The following TTLL11 variants were observed in gnomAD, a reference collection of about 807,000 sequenced individuals.
The protein encoded by TTLL11 is tubulin polyglutamylase TTLL11.
TTLL11 carries 42 observed loss-of-function variants against 51.7 expected under a neutral mutation model. The ratio of observed to expected loss-of-function variants is 0.81; its 90% CI spans 0.64 to 1.05. The LOEUF (loss-of-function observed/expected upper bound fraction) is 1.05, where lower values mean the gene tolerates loss of function less well. Ranked by LOEUF, TTLL11 falls within the 50% of genes least tolerant of loss-of-function variation. TTLL11 has a pLI of 0.00. For synonymous variants in TTLL11, 381 were observed against 383.5 expected, an observed-to-expected ratio of 0.99 and a Z score of 0.08; for missense variants, 799 against 940.4, an observed-to-expected ratio of 0.85 and a Z score of 1.97.
chr9:122,092,656 G>T, intron 1 of TTLL11, 31 bp downstream of exon 1: 1 of 1,535,792 alleles, frequency 6.5e-7, no homozygotes, highest in Non-Finnish European at 8.7e-7. Context: ...ACCCCACTGT[G>T]CCCACGCGGC....
chr9:122,072,917 CTTTG>C (rs1845765046), intron 1 of TTLL11, among the ~76,000 whole-genome samples: 1 of 152,176 alleles, frequency 6.6e-6, no homozygotes, highest in South Asian at 2.1e-4. Flanking sequence ...GGTGTCATTT[CTTTG>C]TTTGCCCGTG....
chr9:122,085,031 G>C (rs1806694), intron 1 of TTLL11, among the ~76,000 whole-genome samples: 7,813 of 152,194 alleles, frequency 0.051, 414 homozygotes, highest in Admixed American at 0.12. Context: ...AGGCTGAGGC[G>C]GGCAGATCAT....
In TTLL11 at chr9:121,822,399, G is replaced by A; in HGVS notation, c.*188C>T. The A allele has an allele frequency of 2.1e-6, 1 of 479,438 alleles. No homozygotes were observed. The highest frequency in any genetic ancestry group is 3.6e-6 in the Non-Finnish European group (1 of 274,746). 29.7% of individuals were successfully genotyped at this position (479,438 alleles called of 1,614,324 possible). On this transcript the variant is annotated 3_prime_UTR_variant, in exon 9 of 9. Transcript: ENST00000321582. This position sits in a 1 kb window ranked among gnomAD's most constrained non-coding sequence, Gnocchi z 5.8. ...AGGGTGTATCACCAGGAGGTGTGAG[G>A]AGGAAGGCAGGTGAGAACCAGCCAG...
chr9:122,041,952 C>T (rs967855120), intron 1 of TTLL11, among the ~76,000 whole-genome samples: 1 of 150,244 alleles, frequency 6.7e-6, no homozygotes, highest in African/African-American at 2.4e-5. Context: ...ACAAGGGACC[C>T]CAAATAGCAA....
chr9:121,998,737 T>C (rs1269931506), intron 3 of TTLL11, among the ~76,000 whole-genome samples: 1 of 152,232 alleles, frequency 6.6e-6, no homozygotes, highest in Admixed American at 6.5e-5. Flanking sequence ...TGCCAGGCAG[T>C]GCACTAGGCA....
At chr9:122,046,759 T>C (rs2131839564) in intron 1 of TTLL11, among the ~76,000 whole-genome samples, 1 of 152,242 alleles carries the variant, frequency 6.6e-6, no homozygotes. Context: ...TGTGAGATTG[T>C]AATTAAGCCT....
chr9:122,082,501 CAAAA>C (rs35349693), intron 1 of TTLL11, among the ~76,000 whole-genome samples: 11 of 84,644 alleles, frequency 1.3e-4, no homozygotes, highest in African/African-American at 3.4e-4. Flanking sequence ...GACTCTGTCT[CAAAA>C]AAAAAAAAAA....
chr9:121,966,283 T>C (rs1334158736), intron 6 of TTLL11, among the ~76,000 whole-genome samples: 1 of 152,100 alleles, frequency 6.6e-6, no homozygotes, highest in Non-Finnish European at 1.5e-5. Flanking sequence ...AGGAAAGCAG[T>C]CCATAACCCA....
chr9:121,906,344 TAAAAA>T (rs10573918), intron 6 of TTLL11, among the ~76,000 whole-genome samples: 76 of 151,652 alleles, frequency 5.0e-4, no homozygotes, highest in South Asian at 3.5e-3. Context: ...TAATAATTTT[TAAAAA>T]AAAAAAAATC....
At chr9:121,832,738 G>T (rs983376566) in intron 8 of TTLL11, among the ~76,000 whole-genome samples, 1 of 152,110 alleles carries the variant, frequency 6.6e-6, no homozygotes, top group Non-Finnish European at 1.5e-5. Flanking sequence ...TCAGGAGTTC[G>T]AGACCAGCCT....
intron 7 of TTLL11, among the ~76,000 whole-genome samples, chr9:121,864,750 G>T (rs1334238258): frequency 6.6e-6 from 1 of 152,072 alleles, no homozygotes; most frequent in Non-Finnish European, 1.5e-5. Flanking sequence ...AAGGAATTTG[G>T]GCACATAGGA....
intron 8 of TTLL11, among the ~76,000 whole-genome samples, chr9:121,827,701 T>G (rs1368813207): frequency 6.6e-6 from 1 of 151,928 alleles, no homozygotes; most frequent in Non-Finnish European, 1.5e-5. Flanking sequence ...GACTAGATAT[T>G]GGCTTTAATC....
chr9:122,036,639 T>C (rs1293477449), intron 2 of TTLL11, among the ~76,000 whole-genome samples: 2 of 152,162 alleles, frequency 1.3e-5, no homozygotes, highest in African/African-American at 4.8e-5. Context: ...TCCATCTGTA[T>C]ATATCCGTTC....
intron 2 of TTLL11, among the ~76,000 whole-genome samples, chr9:122,034,522 C>T (rs1222599609): frequency 6.6e-6 from 1 of 152,200 alleles, no homozygotes; most frequent in East Asian, 1.9e-4. Flanking sequence ...CCAGGAGGGA[C>T]GGGTGTAGAC....
At chr9:121,846,576 AC>A (rs1236683615) in intron 8 of TTLL11, among the ~76,000 whole-genome samples, 1 of 152,204 alleles carries the variant, frequency 6.6e-6, no homozygotes, top group African/African-American at 2.4e-5. Context: ...TAGAGATCAT[AC>A]AAAAAATTCT....
chr9:121,816,651 TGTGTGTGCATGTGTGCGTGTGTGCATGC>T lies in TTLL11; in HGVS notation c.*5908_*5935del, dbSNP rs1349573752. ...TGTGTGGTGTGTGCGCGCACATGCG[TGTGTGTGCATGTGTGCGTGTGTGCATGC>T]GTGTGCATCGTGTGTGCGTGCGTGT... On this transcript the variant is annotated 3_prime_UTR_variant, in exon 9 of 9. Transcript: ENST00000321582. 1 of 133,140 alleles carries T rather than the reference TGTGTGTGCATGTGTGCGTGTGTGCATGC, an allele frequency of 7.5e-6. No homozygotes were observed. The highest frequency in any genetic ancestry group is 1.5e-5 in the Non-Finnish European group (1 of 65,188). 8.2% of individuals were successfully genotyped at this position (133,140 alleles called of 1,614,324 possible). A position where few individuals can be genotyped will look rare whatever the true frequency, so the allele number is the denominator to read the frequency against.
At chr9:121,887,551 C>T (rs1222570829) in intron 6 of TTLL11, among the ~76,000 whole-genome samples, 1 of 152,214 alleles carries the variant, frequency 6.6e-6, no homozygotes, top group Admixed American at 6.5e-5. Context: ...GATCTCAGCT[C>T]AGCTCTGCCG....
intron 3 of TTLL11, among the ~76,000 whole-genome samples, chr9:122,014,951 C>T (rs1190557778): frequency 1.3e-5 from 2 of 152,152 alleles, no homozygotes; most frequent in Non-Finnish European, 2.9e-5. Flanking sequence ...TAGCAGGCCT[C>T]GGGAAACGAT....
At chr9:121,964,231 C>T (rs77174698) in intron 6 of TTLL11, among the ~76,000 whole-genome samples, 5,759 of 151,222 alleles carry the variant, frequency 0.038, 172 homozygotes, top group South Asian at 0.055. Context: ...GTGACACATT[C>T]ATTAGAGGAG....
Sources: gnomAD v4.1 joint callset for allele counts (sites outside exome capture counted in the v4.1 genomes callset) on GRCh38, gnomAD v4.1.1 for gene constraint, Gnocchi (gnomAD v3.1) non-coding constraint, MANE v1.5 for transcripts, NCBI Gene and HGNC (gene_info 2026-07-23, HGNC 2026-07-21) for gene names.